Variants in ARHGAP9 observed in about 807,000 individuals in gnomAD.
ARHGAP9 encodes rho GTPase-activating protein 9.
In ARHGAP9, 76 loss-of-function variants were observed where a neutral mutation model predicts 87.3. The observed-to-expected ratio is 0.87, with a 90% CI of 0.72 to 1.05. The LOEUF (loss-of-function observed/expected upper bound fraction) is 1.05. Ranked by LOEUF, ARHGAP9 falls within the 50% of genes least tolerant of loss-of-function variation. The pLI is 0.00. For missense variants in ARHGAP9, 941 were observed against 960.5 expected, an observed-to-expected ratio of 0.98 and a Z score of 0.27; for synonymous variants, 382 against 394.9, an observed-to-expected ratio of 0.97 and a Z score of 0.39.
rs1594792240 is a variant in ARHGAP9 at position 57,479,174 on chromosome 12, A to G, written c.233T>C (p.Val78Ala). Reference sequence around the variant, plus strand: ...TTCCTCTATCATATAGGCTGCTGGGACGAAGATGGGTCGAGAGGTGGAGGG... The same window carrying G: ...TTCCTCTATCATATAGGCTGCTGGGGCGAAGATGGGTCGAGAGGTGGAGGG... ...EAPSTSRPIF[V>A]PAAYMIEESI... The change falls in exon 2 of 18, where the codon GTC becomes GCC. Residue 78 changes from valine to alanine, a missense_variant. Transcript: ENST00000393791. 1 of 1,614,188 alleles carries G rather than the reference A, an allele frequency of 6.2e-7. No homozygotes were observed. The highest frequency in any genetic ancestry group is 8.5e-7 in the Non-Finnish European group (1 of 1,180,020).
intron 16 of ARHGAP9, 42 bp from the exon 17 acceptor site, chr12:57,473,750 A>G (rs571493432): frequency 6.4e-7 from 1 of 1,559,608 alleles, no homozygotes; most frequent in Non-Finnish European, 8.8e-7. Context: ...AAGGTTAGGG[A>G]AGGTGCTAGG....
rs1268635031 is a variant in ARHGAP9, at chr12:57,478,666, G to A, written c.408C>T (p.Pro136=). The A allele has an allele frequency of 6.2e-7, 1 of 1,614,154 alleles. No homozygotes were observed. The highest frequency in any genetic ancestry group is 8.5e-7 in the Non-Finnish European group (1 of 1,180,030). ...TGCTGACGCTCCTACACATTTTGCG[G>A]GGAAGTGGAGGAGGCTGCTCCGAGC... ...QASSEQPPPL[P]RKMCRSVSTD... Residue 136 remains proline (P), a synonymous_variant, in exon 3 of 18, where the codon CCC becomes CCT. Transcript: ENST00000393791.
chr12:57,480,203 C>T (rs985599048), upstream of ARHGAP9: 47 of 780,740 alleles, frequency 6.0e-5, no homozygotes, highest in African/African-American at 6.0e-4. Context: ...TTTTTTGAGA[C>T]GAAGTCTCGT....
intron 10 of ARHGAP9, 73 bp downstream of exon 10, chr12:57,475,760 C>T (rs547004745): frequency 5.1e-6 from 8 of 1,573,304 alleles, no homozygotes; most frequent in South Asian, 4.6e-5. Flanking sequence ...CTGCTCCTGA[C>T]TCCTATCGTT....
Position 57,478,538 on chromosome 12 carries a change from A to G in ARHGAP9, c.534+2T>C. ...GCCCAGCTCAGAAGAGCTGTGACTCACTGTGCTGGCACTGGCTTCTGACGG... is the reference window on the plus strand; with the variant it reads ...GCCCAGCTCAGAAGAGCTGTGACTCGCTGTGCTGGCACTGGCTTCTGACGG... On this transcript the variant is annotated splice_donor_variant, in intron 3 of 17. Transcript: ENST00000393791. LOFTEE classifies it high-confidence loss of function. 6.2e-7 allele frequency: 1 copy of G among 1,613,882 alleles called. No individual in the cohort carries two copies. Among genetic ancestry groups the G allele is most frequent in the Non-Finnish European group, 8.5e-7 (1 of 1,179,882 alleles).
chr12:57,477,826 A>G (rs1456636454), intron 3 of ARHGAP9, 146 bp from the exon 4 acceptor site: 1 of 1,498,864 alleles, frequency 6.7e-7, no homozygotes, highest in Non-Finnish European at 8.9e-7. Context: ...CTGGGGGAGA[A>G]ACCTCAGGCC....
Position 57,475,333 on chromosome 12 carries a change from T to G in ARHGAP9, c.1510A>C (p.Arg504=), listed in dbSNP as rs1873168499. ...TCCTGCAGGCTTTGTAAGGGCGGTC[T>G]CTTCGCGATGAGCCGCTTTAGTTTG... The part of the protein sequence containing the change: ...RNKLKRLIAK[R]PPLQSLQERG... The change falls in exon 12 of 18, where the codon AGA becomes CGA. Residue 504 remains arginine (R), a synonymous_variant. Coordinates refer to ENST00000393791, the MANE Select transcript of ARHGAP9 (RefSeq NM_032496.4). 1 of 1,602,834 alleles carries G rather than the reference T, an allele frequency of 6.2e-7. No homozygotes were observed. Among genetic ancestry groups the G allele is most frequent in the South Asian group, 1.1e-5 (1 of 89,088 alleles).
At position 57,479,253 on chromosome 12, in the gene ARHGAP9, G is replaced by A; in HGVS notation, c.154C>T (p.Leu52=). The A allele has an allele frequency of 6.2e-7, 1 of 1,614,222 alleles. No individual in the cohort carries two copies. Residue 52 remains leucine (L), a synonymous_variant, in exon 2 of 18, where the codon CTA becomes TTA. Coordinates refer to ENST00000393791, the MANE Select transcript of ARHGAP9 (RefSeq NM_032496.4). ...QVSLAEGDRF[L]LLRKTNSDWW... is the part of the protein sequence containing the mutation. ...TCGGAGTTGGTCTTTCGAAGCAGTA[G>A]GAACCTATCCCCTTCAGCCAGAGAC...
intron 3 of ARHGAP9, 127 bp downstream of exon 3, chr12:57,478,413 G>A (rs1874516186): frequency 1.0e-6 from 1 of 961,488 alleles, no homozygotes; most frequent in East Asian, 2.5e-5. Flanking sequence ...AGACTTATCA[G>A]TAGTACCAAG....
exon 1 of ARHGAP9, chr12:57,488,700 G>A (rs1469236617): frequency 2.0e-6 from 3 of 1,496,988 alleles, no homozygotes; most frequent in Non-Finnish European, 2.7e-6. Flanking sequence ...TTCTCCCACT[G>A]TGACCTTCAG....
At chr12:57,483,684 C>G (rs1390015072), upstream of ARHGAP9, among the ~76,000 whole-genome samples, 1 of 152,194 alleles carries the variant, frequency 6.6e-6, no homozygotes, top group Non-Finnish European at 1.5e-5. Flanking sequence ...CCACTCCCTC[C>G]AGTCTTCACC....
At chr12:57,480,681 T>C, upstream of ARHGAP9, 2 of 1,149,914 alleles carry the variant, frequency 1.7e-6, no homozygotes, top group Non-Finnish European at 2.6e-6. Flanking sequence ...GACAGGTAGA[T>C]AGGGGACTGA....
At chr12:57,487,928 G>C in intron 1 of ARHGAP9, 1 of 634,176 alleles carries the variant, frequency 1.6e-6, no homozygotes, top group South Asian at 1.8e-5. Context: ...GTCTTTTCCT[G>C]TGTCTTAGCG....
upstream of ARHGAP9, chr12:57,480,760 C>T: frequency 6.5e-7 from 1 of 1,549,592 alleles, no homozygotes; most frequent in Non-Finnish European, 8.7e-7. Context: ...AAAACCCACA[C>T]TTCTGCTTCT....
At chr12:57,486,974 T>A (rs906626909) in intron 1 of ARHGAP9, among the ~76,000 whole-genome samples, 32 of 151,866 alleles carry the variant, frequency 2.1e-4, no homozygotes, top group African/African-American at 7.7e-4. Flanking sequence ...AATATTTTAC[T>A]TGTCTACATT....
upstream of ARHGAP9, chr12:57,480,667 C>T (rs1874918501): frequency 1.0e-6 from 1 of 996,174 alleles, no homozygotes; most frequent in Non-Finnish European, 1.5e-6. Context: ...ATGCAAGACG[C>T]TATGACAGGT....
chr12:57,475,455 G>T, intron 11 of ARHGAP9, 28 bp downstream of exon 11: 7 of 1,581,534 alleles, frequency 4.4e-6, no homozygotes, highest in Non-Finnish European at 6.0e-6. Context: ...TGCGCTCCCG[G>T]ACTCTCCCTC....
At chr12:57,474,778 A>C in intron 13 of ARHGAP9, 75 bp from the exon 14 acceptor site, 2 of 1,606,512 alleles carry the variant, frequency 1.2e-6, no homozygotes, top group Non-Finnish European at 1.7e-6. Flanking sequence ...GGGTGGAGAG[A>C]AAAAGGGCAG....
At chr12:57,485,285 G>C (rs1479997142) in intron 1 of ARHGAP9, among the ~76,000 whole-genome samples, 1 of 151,882 alleles carries the variant, frequency 6.6e-6, no homozygotes, top group Admixed American at 6.6e-5. Flanking sequence ...GCCAGGAGCA[G>C]TGGCTCATGC....
Sources: allele counts gnomAD v4.1 joint callset (sites outside exome capture counted in the v4.1 genomes callset), GRCh38; gene constraint gnomAD v4.1.1; transcripts MANE v1.5; gene names NCBI Gene and HGNC (gene_info 2026-07-23, HGNC 2026-07-21).